Variants in LATS2 observed in about 807,000 individuals in gnomAD.
LATS2 encodes serine/threonine-protein kinase LATS2.
A neutral mutation model predicts 76.0 loss-of-function variants in LATS2; 24 were observed. That is an observed-to-expected ratio of 0.32 (90% CI 0.23 to 0.44). The LOEUF (loss-of-function observed/expected upper bound fraction) is 0.44. LATS2 is among the 20% of genes least tolerant of loss of function. The probability of loss-of-function intolerance (pLI) is 1.00; values close to 1 mark genes in which losing one functional copy is unlikely to be tolerated. For synonymous variants in LATS2, 692 were observed against 635.4 expected, an observed-to-expected ratio of 1.09 and a Z score of -1.34; for missense variants, 1,286 against 1,481.2, an observed-to-expected ratio of 0.87 and a Z score of 2.16.
chr13:20,988,254 G>A lies in LATS2; in HGVS notation c.1526C>T (p.Pro509Leu). The A allele has an allele frequency of 6.2e-7, 1 of 1,600,226 alleles. No homozygotes were observed. Among genetic ancestry groups the A allele is most frequent in the Non-Finnish European group, 8.5e-7 (1 of 1,178,504 alleles). The change falls in exon 4 of 8, where the codon CCA becomes CTA. Residue 509 changes from proline (P) to leucine (L), a missense_variant. Physicochemically the swap from Pro to Leu is moderately conservative, Grantham distance 98. Around this residue, in one of 5 missense-constraint regions of LATS2, gnomAD observed 710 missense variants for 660.9 expected, o/e 1.07. Transcript: ENST00000382592. ...AFPLDVEYGG[P>L]DRRCPPPPYP... ...GGGCGGAGGCGGGCACCTCCGGTCTGGGCCTCCGTACTCCACGTCCAGCGG... is the reference window on the plus strand; with the variant it reads ...GGGCGGAGGCGGGCACCTCCGGTCTAGGCCTCCGTACTCCACGTCCAGCGG...
rs1869421402 is a variant in LATS2, at chr13:20,973,283, T to A, written c.*1587A>T. ...GTAAACCAGTACACAGGAATCTTTA[T>A]TTTTTTAGTTTAAACACTGATAAAC... On this transcript the variant is annotated 3_prime_UTR_variant, in exon 8 of 8. Coordinates refer to ENST00000382592, the MANE Select transcript of LATS2 (RefSeq NM_014572.3). 2 of 231,264 alleles carry A rather than the reference T, an allele frequency of 8.6e-6. No individual in the cohort carries two copies. Among genetic ancestry groups the A allele is most frequent in the African/African-American group, 4.4e-5 (2 of 45,234 alleles). 14.3% of individuals were successfully genotyped at this position (231,264 alleles called of 1,614,324 possible). A position where few individuals can be genotyped will look rare whatever the true frequency, so the allele number is the denominator to read the frequency against.
rs567088734 is a variant in LATS2, at chr13:20,980,653, C to A, written c.2665+813G>T. ...GCTGCACGTGGTAGAGGGAAGTAGA[C>A]CTTCACTGGGCACCAAGGTTATTCA... On this transcript the variant is annotated intron_variant, in intron 6 of 7. Coordinates refer to ENST00000382592, the MANE Select transcript of LATS2 (RefSeq NM_014572.3). 1.4e-3 allele frequency among the ~76,000 whole-genome samples: 208 copies of A among 152,298 alleles called. 5 individuals carry two copies. Among genetic ancestry groups the A allele is most frequent in the Admixed American group, 5.9e-4 (9 of 15,298 alleles).
intron 2 of LATS2, among the ~76,000 whole-genome samples, chr13:21,017,625 C>CTTTT (rs11304766): frequency 1.4e-5 from 2 of 142,222 alleles, no homozygotes; most frequent in Non-Finnish European, 3.1e-5. Context: ...TCATTTCTTT[C>CTTTT]TTTTTTTTTT....
chr13:20,980,355 C>T (rs761584705), intron 6 of LATS2, among the ~76,000 whole-genome samples: 1 of 152,216 alleles, frequency 6.6e-6, no homozygotes, highest in Non-Finnish European at 1.5e-5. Context: ...GGGCTGGCCT[C>T]TGGGAGGCTG....
At chr13:21,024,063 T>TCC (rs1872198912) in intron 2 of LATS2, among the ~76,000 whole-genome samples, 1 of 114,762 alleles carries the variant, frequency 8.7e-6, no homozygotes, top group Non-Finnish European at 1.7e-5. Flanking sequence ...TTACAGACCT[T>TCC]CCCCAGAAAG....
At position 21,035,261 on chromosome 13, in the gene LATS2, AT is replaced by A. The variant is rs139762230; in HGVS notation, c.342+10423del. 5.3e-3 allele frequency among the ~76,000 whole-genome samples: 793 copies of A among 150,532 alleles called. 8 individuals carry two copies. The highest frequency in any genetic ancestry group is 0.018 in the African/African-American group (755 of 41,094). ...TAGTGACTATGATAATGGATGTGGC[AT>A]TTTTTTTTTAATTTTGAAATTCATC... is the stretch of plus-strand genomic sequence containing the variant. On this transcript the variant is annotated intron_variant, in intron 2 of 7. Coordinates refer to ENST00000382592, the MANE Select transcript of LATS2 (RefSeq NM_014572.3).
chr13:21,021,474 CAAAAAAAAAA>C lies in LATS2; in HGVS notation c.342+24201_342+24210del, dbSNP rs58976562. On this transcript the variant is annotated intron_variant, in intron 2 of 7. Transcript: ENST00000382592. ...CGGGCAGCAGAGTGAGACTCTGTCT[CAAAAAAAAAA>C]AAAAAAAAAAAAAAAAAAAAGCTTT... 1.7e-3 allele frequency among the ~76,000 whole-genome samples: 80 copies of C among 48,366 alleles called. 1 individual carries two copies. The highest frequency in any genetic ancestry group is 3.4e-3 in the African/African-American group (50 of 14,572). The allele number at this position is 48,366 out of a possible 152,430, so 31.7% of individuals were successfully genotyped here.
At chr13:21,060,805 G>C (rs1411096778) in intron 1 of LATS2, among the ~76,000 whole-genome samples, 6 of 151,400 alleles carry the variant, frequency 4.0e-5, no homozygotes, top group African/African-American at 9.7e-5. Flanking sequence ...TGGGACGATG[G>C]CGCGGCCGGG....
chr13:21,024,153 G>T (rs1328352164), intron 2 of LATS2, among the ~76,000 whole-genome samples: 1 of 151,480 alleles, frequency 6.6e-6, no homozygotes, highest in Non-Finnish European at 1.5e-5. Flanking sequence ...ACAGGAATGG[G>T]CCGGGCATAG....
chr13:21,045,670 G>A lies in LATS2; in HGVS notation c.342+15C>T. On this transcript the variant is annotated intron_variant, in intron 2 of 7. Transcript: ENST00000382592. ...AGCTGCCTCTGCACATGGCCCTGCA[G>A]AGGTCTGTACCCACCTGGTCGCATC... The A allele has an allele frequency of 1.2e-6, 2 of 1,602,322 alleles. No homozygotes were observed. Among genetic ancestry groups the A allele is most frequent in the African/African-American group, 2.7e-5 (2 of 74,860 alleles).
chr13:21,026,753 G>A (rs952510015), intron 2 of LATS2, among the ~76,000 whole-genome samples: 6 of 152,222 alleles, frequency 3.9e-5, no homozygotes, highest in Middle Eastern at 3.4e-3. Flanking sequence ...CCCAGGAGAT[G>A]GAGACCAGCC....
intron 2 of LATS2, among the ~76,000 whole-genome samples, chr13:21,007,579 ATATATATAG>A (rs1871338160): frequency 4.3e-5 from 1 of 23,054 alleles, no homozygotes; most frequent in Non-Finnish European, 6.1e-5. Flanking sequence ...ATATATATAT[ATATATATAG>A]TATATATATA....
At chr13:21,056,151 G>T (rs1048985488) in intron 1 of LATS2, among the ~76,000 whole-genome samples, 11 of 150,978 alleles carry the variant, frequency 7.3e-5, no homozygotes, top group African/African-American at 2.2e-4. Context: ...TTTTTTGGTG[G>T]GGGGGGCAGG....
chr13:20,993,335 C>T (rs1280300618), intron 2 of LATS2, among the ~76,000 whole-genome samples: 1 of 152,196 alleles, frequency 6.6e-6, no homozygotes, highest in East Asian at 1.9e-4. Context: ...GTGCCTAGAA[C>T]AAATTAAGCA....
chr13:21,025,153 G>A (rs1872259470), intron 2 of LATS2, among the ~76,000 whole-genome samples: 1 of 151,780 alleles, frequency 6.6e-6, no homozygotes, highest in South Asian at 2.1e-4. Context: ...GCCAGGTGCG[G>A]TGGCTCACCT....
intron 2 of LATS2, among the ~76,000 whole-genome samples, chr13:21,034,188 T>C (rs889149754): frequency 1.3e-5 from 2 of 152,190 alleles, no homozygotes; most frequent in African/African-American, 2.4e-5. Flanking sequence ...GGAGCAATTA[T>C]CATCCCAAGT....
chr13:21,050,485 C>T lies in LATS2; in HGVS notation c.-204-4255G>A, dbSNP rs546848190. Among the ~76,000 whole-genome samples the T allele has an allele frequency of 3.9e-5, 6 of 152,274 alleles. No individual in the cohort carries two copies. The South Asian group carries it at 1.2e-3, about 32-fold the overall frequency. On this transcript the variant is annotated intron_variant, in intron 1 of 7. Coordinates refer to ENST00000382592, the MANE Select transcript of LATS2 (RefSeq NM_014572.3). Reference sequence around the variant, plus strand: ...ATGCAATCTCTACTCTGTAGTTTAGCACATTTCTTTCAACACTATATTTGC... The same window carrying T: ...ATGCAATCTCTACTCTGTAGTTTAGTACATTTCTTTCAACACTATATTTGC...
chr13:20,978,492 T>C (rs1595208621), intron 7 of LATS2, among the ~76,000 whole-genome samples: 1 of 152,210 alleles, frequency 6.6e-6, no homozygotes, highest in Non-Finnish European at 1.5e-5. Context: ...ATTAGGAATA[T>C]GCACAACTAG....
chr13:20,999,650 G>A (rs1380443866), intron 2 of LATS2, among the ~76,000 whole-genome samples: 3 of 151,812 alleles, frequency 2.0e-5, no homozygotes, highest in Non-Finnish European at 4.4e-5. Context: ...TGTAGAGATG[G>A]GCTCTCACTG....
Sources: allele counts gnomAD v4.1 joint callset (sites outside exome capture counted in the v4.1 genomes callset), GRCh38; gene constraint gnomAD v4.1.1; regional missense constraint gnomAD v4.1.1; transcripts MANE v1.5; gene names NCBI Gene and HGNC (gene_info 2026-07-23, HGNC 2026-07-21).